The following PISD variants were observed in gnomAD, a reference collection of about 807,000 sequenced individuals.
PISD encodes phosphatidylserine decarboxylase proenzyme, mitochondrial.
In PISD, 31 loss-of-function variants were observed where a neutral mutation model predicts 43.5. The observed-to-expected ratio is 0.71, with a 90% CI of 0.54 to 0.96. PISD has a LOEUF of 0.96. Among genes scored for constraint, PISD ranks in the 40% least tolerant of loss-of-function variants. The pLI is 0.00. For missense variants in PISD, 523 were observed against 548.4 expected (o/e 0.95, Z 0.46); for synonymous variants, 259 against 228.7 (o/e 1.13, Z -1.20).
intron 3 of PISD, among the ~76,000 whole-genome samples, chr22:31,626,683 A>C (rs978503537): frequency 4.6e-5 from 7 of 152,194 alleles, no homozygotes; most frequent in African/African-American, 1.7e-4. Flanking sequence ...TCAGAAAAGC[A>C]CTTTGGCCAG....
intron 3 of PISD, among the ~76,000 whole-genome samples, chr22:31,625,231 C>T (rs368831766): frequency 1.1e-4 from 16 of 152,350 alleles, no homozygotes; most frequent in African/African-American, 3.6e-4. Flanking sequence ...GCTGCATCCA[C>T]GCAGCTCCCG....
At chr22:31,648,350 C>T (rs2073938961) in intron 2 of PISD, 74 bp from the exon 3 acceptor site, 1 of 1,331,860 alleles carries the variant, frequency 7.5e-7, no homozygotes, top group African/African-American at 1.5e-5. Context: ...ACAGCACCAA[C>T]AGGAGGGTCA....
intron 3 of PISD, among the ~76,000 whole-genome samples, chr22:31,637,165 ATATATATATATATATATATAT>A (rs1290596351): frequency 6.7e-4 from 9 of 13,414 alleles, no homozygotes; most frequent in East Asian, 4.1e-3. Flanking sequence ...AAAAAAAAAA[ATATATATATATATATATATAT>A]ATATATATAT....
intron 7 of PISD, among the ~76,000 whole-genome samples, 184 bp downstream of exon 7, chr22:31,620,369 G>A (rs1456492878): frequency 1.3e-5 from 2 of 152,244 alleles, no homozygotes; most frequent in African/African-American, 2.4e-5. Context: ...AGGAGGGAGG[G>A]AAGCCTCAGC....
intron 3 of PISD, among the ~76,000 whole-genome samples, chr22:31,637,164 A>AAAAT (rs1569487518): frequency 2.2e-4 from 3 of 13,654 alleles, no homozygotes; most frequent in Admixed American, 1.1e-3. Context: ...AAAAAAAAAA[A>AAAAT]ATATATATAT....
Position 31,619,147 on chromosome 22 carries a change from A to T in PISD, c.*465T>A. 1 of 255,752 alleles carries T rather than the reference A, an allele frequency of 3.9e-6. No homozygotes were observed. Among genetic ancestry groups the T allele is most frequent in the Non-Finnish European group, 7.8e-6 (1 of 128,004 alleles). 15.8% of individuals were successfully genotyped at this position (255,752 alleles called of 1,614,324 possible). A position where few individuals can be genotyped will look rare whatever the true frequency, so the allele number is the denominator to read the frequency against. On this transcript the variant is annotated 3_prime_UTR_variant, in exon 8 of 8. Coordinates refer to ENST00000439502, the MANE Select transcript of PISD (RefSeq NM_001326411.2). ...GAAGGCTGTGTGGCTCTGCTGGGGG[A>T]GAGGCATCCACAGTCTGTGCCAAGG...
At chr22:31,649,926 CA>C (rs1394891918) in intron 2 of PISD, among the ~76,000 whole-genome samples, 1 of 152,046 alleles carries the variant, frequency 6.6e-6, no homozygotes, top group African/African-American at 2.4e-5. Context: ...AGATTGCCAG[CA>C]AAACATTGGA....
chr22:31,619,376 T>G lies in PISD; in HGVS notation c.*236A>C, dbSNP rs2072346181. On this transcript the variant is annotated 3_prime_UTR_variant, in exon 8 of 8. Transcript: ENST00000439502. ...GACTGAGATCATTCCAGCCTGCACT[T>G]TTTATTTGTAGGCAGAAGGAACGGG... 3.0e-5 allele frequency: 18 copies of G among 607,950 alleles called. No homozygotes were observed. The highest frequency in any genetic ancestry group is 2.8e-4 in the South Asian group (18 of 63,762). 37.7% of individuals were successfully genotyped at this position (607,950 alleles called of 1,614,324 possible). A position where few individuals can be genotyped will look rare whatever the true frequency, so the allele number is the denominator to read the frequency against.
chr22:31,623,602 C>T, intron 3 of PISD: 1 of 1,357,552 alleles, frequency 7.4e-7, no homozygotes. Context: ...GACAGCTCGC[C>T]ACCACCTCAG....
At chr22:31,626,945 A>C (rs1693276766) in intron 3 of PISD, among the ~76,000 whole-genome samples, 1 of 152,244 alleles carries the variant, frequency 6.6e-6, no homozygotes, top group South Asian at 2.1e-4. Flanking sequence ...AAGAGCTGCC[A>C]TCTAAAGCAA....
Position 31,630,771 on chromosome 22 carries a change from G to A in PISD, c.322-8886C>T. On this transcript the variant is annotated intron_variant, in intron 3 of 7. Coordinates refer to ENST00000439502, the MANE Select transcript of PISD (RefSeq NM_001326411.2). This position sits in a 1 kb window ranked among gnomAD's most constrained non-coding sequence, Gnocchi z 4.4. ...CCCTGAGAAGTCACCTGGGGCTCCC[G>A]GCAGGGCCGGGGCGCCGGCTCCGCT... 1 of 985,626 alleles carries A rather than the reference G, an allele frequency of 1.0e-6. No individual in the cohort carries two copies. The highest frequency in any genetic ancestry group is 1.2e-6 in the Non-Finnish European group (1 of 830,112). The allele number at this position is 985,626 out of a possible 1,614,324, so 61.1% of individuals were successfully genotyped here. A position where few individuals can be genotyped will look rare whatever the true frequency, so the allele number is the denominator to read the frequency against.
intron 1 of PISD, among the ~76,000 whole-genome samples, chr22:31,655,223 G>A (rs1486299933): frequency 1.3e-5 from 2 of 151,852 alleles, no homozygotes; most frequent in South Asian, 2.1e-4. Flanking sequence ...GAGAATGCTG[G>A]AGTTTATCTG....
At chr22:31,652,139 T>TTG (rs370054504) in intron 1 of PISD, among the ~76,000 whole-genome samples, 12,657 of 151,222 alleles carry the variant, frequency 0.084, 767 homozygotes, top group African/African-American at 0.18. Context: ...GTTATGTCTT[T>TTG]TGTGTGTGTG....
At chr22:31,626,033 G>GAC in intron 3 of PISD, 1 of 1,431,548 alleles carries the variant, frequency 7.0e-7, no homozygotes. Flanking sequence ...CAGACAGACA[G>GAC]GCACTGGTCA....
chr22:31,624,599 C>T (rs1211466998), intron 3 of PISD, among the ~76,000 whole-genome samples: 1 of 151,870 alleles, frequency 6.6e-6, no homozygotes, highest in Non-Finnish European at 1.5e-5. Flanking sequence ...TGAACAAAAC[C>T]TCCCCACCAC....
chr22:31,638,438 G>A (rs1193361962), intron 3 of PISD: 1 of 983,880 alleles, frequency 1.0e-6, no homozygotes, highest in Non-Finnish European at 1.2e-6. Flanking sequence ...AGGAAGGGGG[G>A]ATGAAGGGGG....
chr22:31,637,156 AAAAAAAAAATATATATAT>A (rs1249266896), intron 3 of PISD, among the ~76,000 whole-genome samples: 649 of 42,282 alleles, frequency 0.015, 2 homozygotes, highest in Non-Finnish European at 0.02. Flanking sequence ...AAAAAAAAAA[AAAAAAAAAATATATATAT>A]ATATATATAT....
Position 31,619,774 on chromosome 22 carries a change from C to T in PISD, c.1068G>A (p.Thr356=), listed in dbSNP as rs376765197. ...KGSYNDFSFV[T]HTNREGVPMR... is the part of the protein sequence containing the mutation. Reference sequence around the variant, plus strand: ...TGGGGACGCCCTCTCTATTGGTGTGCGTCACGAAGCTGAAGTCATTGTAGG... The same window carrying T: ...TGGGGACGCCCTCTCTATTGGTGTGTGTCACGAAGCTGAAGTCATTGTAGG... The change falls in exon 8 of 8, where the codon ACG becomes ACA. Residue 356 remains threonine, a synonymous_variant. Coordinates refer to ENST00000439502, the MANE Select transcript of PISD (RefSeq NM_001326411.2). The T allele has an allele frequency of 4.0e-5, 64 of 1,614,198 alleles. No homozygotes were observed. The highest frequency in any genetic ancestry group is 3.3e-4 in the Middle Eastern group (2 of 6,062).
intron 1 of PISD, among the ~76,000 whole-genome samples, chr22:31,656,718 G>T (rs370138356): frequency 2.2e-4 from 34 of 152,094 alleles, no homozygotes; most frequent in African/African-American, 7.7e-4. Flanking sequence ...CATCTTGTCA[G>T]CCTCTCAGAT....
Sources: gnomAD v4.1 joint callset for allele counts (sites outside exome capture counted in the v4.1 genomes callset) on GRCh38, gnomAD v4.1.1 for gene constraint, Gnocchi (gnomAD v3.1) non-coding constraint, MANE v1.5 for transcripts, NCBI Gene and HGNC (gene_info 2026-07-23, HGNC 2026-07-21) for gene names.